Variants in RNPS1 observed in about 807,000 individuals in gnomAD.
RNPS1 encodes the protein RNA binding protein with serine rich domain 1.
For missense variants in RNPS1, 300 were observed against 427.6 expected, an observed-to-expected ratio of 0.70 and a Z score of 2.63; for synonymous variants, 147 against 150.0, an observed-to-expected ratio of 0.98 and a Z score of 0.15.
At chr16:2,266,076 C>A (rs2093623991) in intron 1 of RNPS1, 19 of 981,436 alleles carry the variant, frequency 1.9e-5, no homozygotes, top group Non-Finnish European at 1.9e-5. Flanking sequence ...AAGTGAAGAT[C>A]TCAGGAATGG....
chr16:2,266,682 C>T (rs2093626363), intron 1 of RNPS1: 1 of 985,310 alleles, frequency 1.0e-6, no homozygotes, highest in South Asian at 4.7e-5. Flanking sequence ...CTGCACCCAC[C>T]CGCCTTCGAA....
At chr16:2,266,238 C>A (rs1209809470) in intron 1 of RNPS1, 2 of 985,324 alleles carry the variant, frequency 2.0e-6, no homozygotes, top group Non-Finnish European at 1.2e-6. Context: ...AAGAAAAGCA[C>A]CTGGCTTTGA....
chr16:2,263,780 TTTTG>T (rs1370234414), intron 3 of RNPS1: 6 of 254,692 alleles, frequency 2.4e-5, no homozygotes, highest in Admixed American at 5.1e-5. Flanking sequence ...ACCCGGCTAG[TTTTG>T]TTTATTTTCC....
At chr16:2,261,307 G>A (rs77357044) in intron 6 of RNPS1, among the ~76,000 whole-genome samples, 2,943 of 152,228 alleles carry the variant, frequency 0.019, 101 homozygotes, top group African/African-American at 0.066. Flanking sequence ...CTACTTCTAT[G>A]TGTGGCTGTT....
intron 6 of RNPS1, among the ~76,000 whole-genome samples, chr16:2,260,219 A>C (rs1177058183): frequency 1.6e-5 from 2 of 127,342 alleles, no homozygotes; most frequent in African/African-American, 6.1e-5. Context: ...GCAGTGGCGT[A>C]ATCTTGGCTC....
chr16:2,266,453 T>C lies in RNPS1; in HGVS notation c.-118+1602A>G, dbSNP rs927101511. On this transcript the variant is annotated intron_variant, in intron 1 of 7. Transcript: ENST00000320225. Reference sequence around the variant, plus strand: ...CAGAGGGCCTGGGTTTGATTTGAGGTTTTACTGTGTGATTTTAGACAAGTC... The same window carrying C: ...CAGAGGGCCTGGGTTTGATTTGAGGCTTTACTGTGTGATTTTAGACAAGTC... The C allele has an allele frequency of 8.3e-6, 8 of 961,728 alleles. No homozygotes were observed. The South Asian group carries it at 3.8e-4, about 46-fold the overall frequency. The allele number at this position is 961,728 out of a possible 1,614,324, so 59.6% of individuals were successfully genotyped here.
chr16:2,267,542 G>C (rs1192043397), intron 1 of RNPS1: 1 of 1,041,848 alleles, frequency 9.6e-7, no homozygotes, highest in African/African-American at 1.7e-5. Context: ...GTACACGTTT[G>C]AATTAATGAC....
chr16:2,261,617 T>C (rs2093603440), intron 6 of RNPS1, among the ~76,000 whole-genome samples: 1 of 152,226 alleles, frequency 6.6e-6, no homozygotes, highest in Admixed American at 6.5e-5. Flanking sequence ...TCTGAGTAGT[T>C]AAATATTAAA....
chr16:2,267,615 A>T, intron 1 of RNPS1: 25 of 1,074,646 alleles, frequency 2.3e-5, no homozygotes, highest in Non-Finnish European at 2.8e-5. Context: ...GCCCGCCGAC[A>T]CCGGCCCGAC....
chr16:2,262,710 C>T (rs1404544998), intron 5 of RNPS1, 30 bp downstream of exon 5: 1 of 1,581,972 alleles, frequency 6.3e-7, no homozygotes, highest in Non-Finnish European at 8.7e-7. Context: ...CCACACCCCA[C>T]TGCCCACAGG....
At chr16:2,255,074 C>G (rs2093571643) in intron 7 of RNPS1, among the ~76,000 whole-genome samples, 1 of 152,178 alleles carries the variant, frequency 6.6e-6, no homozygotes, top group African/African-American at 2.4e-5. Flanking sequence ...TGGGACAGGT[C>G]CCACCTGATG....
intron 1 of RNPS1, 120 bp from the exon 2 acceptor site, chr16:2,264,880 CCA>C (rs3217424): frequency 0.37 from 265,451 of 708,674 alleles, 55,833 homozygotes; most frequent in Admixed American, 0.48. Flanking sequence ...CAATAAGTGT[CCA>C]CACAGTCAGG....
intron 6 of RNPS1, among the ~76,000 whole-genome samples, chr16:2,259,004 T>C (rs939363121): frequency 1.3e-5 from 2 of 150,250 alleles, no homozygotes; most frequent in Non-Finnish European, 2.9e-5. Flanking sequence ...TTGCCTGTAA[T>C]CCCAGCTACT....
intron 1 of RNPS1, chr16:2,266,060 G>A: frequency 5.2e-6 from 5 of 953,762 alleles, no homozygotes; most frequent in Non-Finnish European, 6.2e-6. Context: ...AGCTGCAGGA[G>A]TTGTTAAGTG....
chr16:2,264,398 AC>A, intron 2 of RNPS1, 67 bp from the exon 3 acceptor site: 1 of 1,606,378 alleles, frequency 6.2e-7, no homozygotes, highest in Non-Finnish European at 8.5e-7. Context: ...ACAACCCAAA[AC>A]GGGGGATCAG....
Position 2,255,662 on chromosome 16 carries a change from G to T in RNPS1, c.741C>A (p.Pro247=), listed in dbSNP as rs780790602. The change falls in exon 7 of 8, where the codon CCC becomes CCA. Residue 247 remains proline, a synonymous_variant. Transcript: ENST00000320225. ...AVLAPWPRPP[P]RRFSPPRRML... The stretch of plus-strand genomic sequence containing the variant: ...TTCTCCTGGGAGGGCTGAATCTCCT[G>T]GGGGGTGGCCTAGGCCAGGGGGCCA... The T allele has an allele frequency of 1.4e-5, 23 of 1,612,594 alleles. No individual in the cohort carries two copies. Among genetic ancestry groups the T allele is most frequent in the Non-Finnish European group, 1.9e-5 (22 of 1,179,282 alleles).
chr16:2,263,664 G>T (rs1407882292), intron 3 of RNPS1, among the ~76,000 whole-genome samples: 1 of 152,172 alleles, frequency 6.6e-6, no homozygotes, highest in African/African-American at 2.4e-5. Context: ...CCAAGCTGGA[G>T]TGCAGTGGCA....
chr16:2,267,141 TGCTAGAAA>T (rs2093628246), intron 1 of RNPS1: 1 of 969,396 alleles, frequency 1.0e-6, no homozygotes, highest in African/African-American at 1.8e-5. Flanking sequence ...TGCGGTCGAG[TGCTAGAAA>T]GCAAAAGTTG....
intron 6 of RNPS1, among the ~76,000 whole-genome samples, chr16:2,259,789 T>C (rs1209115057): frequency 2.0e-5 from 3 of 152,130 alleles, no homozygotes; most frequent in Non-Finnish European, 4.4e-5. Context: ...CTCGAGAGGC[T>C]GAGGCAGGAG....
Sources: gnomAD v4.1 joint callset for allele counts (sites outside exome capture counted in the v4.1 genomes callset) on GRCh38, gnomAD v4.1.1 for gene constraint, MANE v1.5 for transcripts, NCBI Gene and HGNC (gene_info 2026-07-23, HGNC 2026-07-21) for gene names.